The following CHODL variants were observed in gnomAD, a reference collection of about 807,000 sequenced individuals.
CHODL encodes the protein chondrolectin, also known as transmembrane protein MT75.
CHODL carries 29 observed loss-of-function variants against 34.5 expected under a neutral mutation model. The observed-to-expected ratio is 0.84, with a 90% CI of 0.63 to 1.15. CHODL has a LOEUF of 1.15. CHODL is among the 50% of genes most tolerant of loss of function. The pLI is 0.00. For missense variants in CHODL, 332 were observed against 332.5 expected (o/e 1.00, Z 0.01); for synonymous variants, 125 against 116.1 (o/e 1.08, Z -0.49).
intron 2 of CHODL, among the ~76,000 whole-genome samples, chr21:18,198,290 T>C (rs8133890): frequency 0.77 from 116,885 of 151,990 alleles, 45,373 homozygotes; most frequent in East Asian, 0.93. Context: ...TTATACTCTT[T>C]GTTCCCAAAG....
chr21:17,993,032 T>A (rs440624), intron 1 of CHODL, among the ~76,000 whole-genome samples: 2 of 152,038 alleles, frequency 1.3e-5, no homozygotes, highest in Non-Finnish European at 2.9e-5. Flanking sequence ...TTTGAACACC[T>A]TTAATTTCCT....
At chr21:18,035,759 T>C (rs1295087701) in intron 2 of CHODL, among the ~76,000 whole-genome samples, 5 of 151,440 alleles carry the variant, frequency 3.3e-5, no homozygotes, top group African/African-American at 1.2e-4. Context: ...TAATCTCAGA[T>C]GTTAAAGTTT....
At chr21:18,051,075 C>A (rs189164881) in intron 2 of CHODL, among the ~76,000 whole-genome samples, 1 of 151,974 alleles carries the variant, frequency 6.6e-6, no homozygotes, top group African/African-American at 2.4e-5. Context: ...CTATCCCTTC[C>A]CTAGTCCCCC....
chr21:18,136,697 C>A (rs539970516), intron 2 of CHODL, among the ~76,000 whole-genome samples: 3 of 140,966 alleles, frequency 2.1e-5, no homozygotes, highest in Admixed American at 7.5e-5. Context: ...CAGATACTCT[C>A]AATGAAGAAG....
intron 2 of CHODL, among the ~76,000 whole-genome samples, chr21:18,054,212 A>C (rs9983737): frequency 6.6e-6 from 1 of 151,636 alleles, no homozygotes; most frequent in Non-Finnish European, 1.5e-5. Context: ...ACAGAGAGAG[A>C]GGGAGGAAGA....
At chr21:18,165,910 A>G (rs1410147616) in intron 2 of CHODL, among the ~76,000 whole-genome samples, 1 of 152,196 alleles carries the variant, frequency 6.6e-6, no homozygotes, top group Admixed American at 6.5e-5. Context: ...TTCTTAACTT[A>G]GAATGTATAC....
intron 2 of CHODL, among the ~76,000 whole-genome samples, chr21:18,187,228 A>C (rs1257238570): frequency 3.3e-5 from 5 of 152,110 alleles, no homozygotes. Context: ...CTTTGTATAC[A>C]CCCAGTGTTC....
At chr21:17,951,151 G>A (rs1044512869) in intron 1 of CHODL, among the ~76,000 whole-genome samples, 2 of 148,114 alleles carry the variant, frequency 1.4e-5, no homozygotes, top group African/African-American at 2.5e-5. Context: ...CAAATCAATG[G>A]TTAAGTTGTT....
intron 2 of CHODL, among the ~76,000 whole-genome samples, chr21:18,227,989 G>T (rs1343583556): frequency 1.3e-5 from 2 of 152,058 alleles, no homozygotes; most frequent in Non-Finnish European, 2.9e-5. Context: ...AGTTGGCTAT[G>T]GTTGGACCAC....
intron 2 of CHODL, among the ~76,000 whole-genome samples, chr21:18,048,581 A>G (rs2064473982): frequency 6.6e-6 from 1 of 151,954 alleles, no homozygotes; most frequent in Non-Finnish European, 1.5e-5. Flanking sequence ...AAATTCTGAA[A>G]CCCATTAAAC....
intron 2 of CHODL, among the ~76,000 whole-genome samples, chr21:18,145,293 C>T (rs9636664): frequency 0.12 from 17,350 of 147,472 alleles, 1,482 homozygotes; most frequent in East Asian, 0.24. Flanking sequence ...AAAAATTAGC[C>T]GGGCGCGGTG....
intron 1 of CHODL, among the ~76,000 whole-genome samples, chr21:17,948,064 A>G (rs1326586700): frequency 6.6e-6 from 1 of 152,186 alleles, no homozygotes; most frequent in African/African-American, 2.4e-5. Context: ...AAAGTCAAAT[A>G]TGCATCTTCT....
chr21:18,067,931 A>C (rs1253787361), intron 2 of CHODL, among the ~76,000 whole-genome samples: 2 of 152,264 alleles, frequency 1.3e-5, no homozygotes, highest in East Asian at 3.9e-4. Context: ...TAAAAAATAT[A>C]TGTGCTCATT....
rs143516050 is a variant in CHODL, at chr21:18,256,016, C to T, written c.80-493C>T. Among the ~76,000 whole-genome samples the T allele has an allele frequency of 3.9e-3, 597 of 152,100 alleles. 5 individuals carry two copies. Among genetic ancestry groups the T allele is most frequent in the African/African-American group, 0.011 (464 of 41,502 alleles). The stretch of plus-strand genomic sequence containing the variant: ...ACTTTCAATTTTAATAGATTTGTTT[C>T]GGGTATAAAAAATGAAAGCAAATAT... On this transcript the variant is annotated intron_variant, in intron 1 of 5. Transcript: ENST00000299295.
intron 2 of CHODL, among the ~76,000 whole-genome samples, chr21:18,087,992 C>T (rs908545974): frequency 6.6e-6 from 1 of 152,032 alleles, no homozygotes; most frequent in African/African-American, 2.4e-5. Flanking sequence ...AGAGAGAGGA[C>T]AAGCGAAGGG....
At chr21:18,186,383 T>C (rs2073441567) in intron 2 of CHODL, among the ~76,000 whole-genome samples, 1 of 150,866 alleles carries the variant, frequency 6.6e-6, no homozygotes, top group South Asian at 2.1e-4. Flanking sequence ...AGTTGCTCCT[T>C]AGGGAAGAAA....
At chr21:18,147,466 A>G (rs904080267) in intron 2 of CHODL, among the ~76,000 whole-genome samples, 2 of 152,262 alleles carry the variant, frequency 1.3e-5, no homozygotes, top group African/African-American at 4.8e-5. Flanking sequence ...AAATCTGCTA[A>G]ATAAAAAGAC....
chr21:18,137,870 T>C (rs1444069456), intron 2 of CHODL, among the ~76,000 whole-genome samples: 1 of 152,168 alleles, frequency 6.6e-6, no homozygotes, highest in East Asian at 1.9e-4. Context: ...AACTGTATTA[T>C]ATACACATGT....
chr21:18,047,468 A>G (rs1311680634), intron 2 of CHODL, among the ~76,000 whole-genome samples: 2 of 151,984 alleles, frequency 1.3e-5, no homozygotes, highest in Non-Finnish European at 2.9e-5. Flanking sequence ...AATACATTCA[A>G]TTCCTTTTTA....
Sources: allele counts gnomAD v4.1 joint callset (sites outside exome capture counted in the v4.1 genomes callset), GRCh38; gene constraint gnomAD v4.1.1; transcripts MANE v1.5; gene names NCBI Gene and HGNC (gene_info 2026-07-23, HGNC 2026-07-21).